PSEN1: variants seen among roughly 807,000 people sequenced by gnomAD.
The protein encoded by PSEN1 is presenilin-1.
PSEN1 carries 15 observed loss-of-function variants against 53.5 expected under a neutral mutation model. The observed-to-expected ratio is 0.28, with a 90% confidence interval of 0.19 to 0.43. The LOEUF is 0.43. Among genes scored for constraint, PSEN1 ranks in the 20% least tolerant of loss-of-function variants. The pLI, the probability that PSEN1 is intolerant of heterozygous loss-of-function variation, is 1.00. For synonymous variants in PSEN1, 208 were observed against 209.8 expected (o/e 0.99, Z 0.08); for missense variants, 387 against 571.2 (o/e 0.68, Z 3.29).
intron 5 of PSEN1, among the ~76,000 whole-genome samples, chr14:73,182,022 T>G (rs1898231499): frequency 6.6e-6 from 1 of 152,100 alleles, no homozygotes; most frequent in African/African-American, 2.4e-5. Flanking sequence ...AATCCACCTG[T>G]CTCAGCCTCC....
chr14:73,148,411 C>T (rs1017034418), intron 3 of PSEN1, among the ~76,000 whole-genome samples: 7 of 152,162 alleles, frequency 4.6e-5, no homozygotes, highest in South Asian at 2.1e-4. Context: ...TATTCTTCTA[C>T]GGCTGAGTCC....
intron 9 of PSEN1, among the ~76,000 whole-genome samples, chr14:73,207,115 C>T (rs192126749): frequency 1.3e-4 from 19 of 151,656 alleles, no homozygotes; most frequent in East Asian, 9.7e-4. Flanking sequence ...TAAGGAGTTC[C>T]GGATTACCCT....
chr14:73,210,087 A>G (rs979264668), intron 9 of PSEN1, among the ~76,000 whole-genome samples: 2 of 152,232 alleles, frequency 1.3e-5, no homozygotes, highest in East Asian at 3.8e-4. Context: ...TTACATTGGA[A>G]CAAAAGGGCA....
chr14:73,145,832 C>G (rs576988530), intron 1 of PSEN1, among the ~76,000 whole-genome samples: 1 of 152,072 alleles, frequency 6.6e-6, no homozygotes, highest in Admixed American at 6.6e-5. Context: ...AGGGCTGGTT[C>G]GTGGTGGCTC....
intron 1 of PSEN1, 166 bp from the exon 2 acceptor site, chr14:73,147,629 T>C (rs1014256016): frequency 2.9e-5 from 8 of 272,108 alleles, no homozygotes; most frequent in Non-Finnish European, 5.7e-5. Flanking sequence ...TACTTATTGC[T>C]AAAGAGGTCT....
chr14:73,153,528 T>G (rs117490301), intron 3 of PSEN1, among the ~76,000 whole-genome samples: 2,453 of 152,286 alleles, frequency 0.016, 49 homozygotes, highest in East Asian at 0.049. Context: ...TTCCCTATGA[T>G]TAATAAATGT....
chr14:73,173,441 G>T, intron 4 of PSEN1, 125 bp from the exon 5 acceptor site: 1 of 953,950 alleles, frequency 1.0e-6, no homozygotes, highest in Non-Finnish European at 1.7e-6. Flanking sequence ...TTGGTGAGTT[G>T]GGGAAAAGTG....
At chr14:73,163,360 T>C (rs2140017399) in intron 3 of PSEN1, among the ~76,000 whole-genome samples, 1 of 152,302 alleles carries the variant, frequency 6.6e-6, no homozygotes, top group Middle Eastern at 3.4e-3. Flanking sequence ...GGAGGATTGC[T>C]TGAGCCCAGA....
intron 5 of PSEN1, among the ~76,000 whole-genome samples, chr14:73,185,174 CAG>C (rs1898451470): frequency 6.6e-6 from 1 of 152,026 alleles, no homozygotes; most frequent in Non-Finnish European, 1.5e-5. Flanking sequence ...GGCGGCCAGG[CAG>C]AGACGCTCCT....
intron 3 of PSEN1, among the ~76,000 whole-genome samples, chr14:73,169,873 T>C (rs557927352): frequency 6.6e-6 from 1 of 152,312 alleles, no homozygotes; most frequent in South Asian, 2.1e-4. Flanking sequence ...CTCAAACTCC[T>C]GACCTCAAGT....
intron 1 of PSEN1, among the ~76,000 whole-genome samples, chr14:73,145,446 C>T (rs1478148504): frequency 3.3e-5 from 5 of 151,962 alleles, no homozygotes; most frequent in African/African-American, 1.2e-4. Context: ...GTGATCCTTC[C>T]ACCTCAGCCT....
chr14:73,140,813 T>C (rs1443244795), intron 1 of PSEN1, among the ~76,000 whole-genome samples: 1 of 152,146 alleles, frequency 6.6e-6, no homozygotes, highest in Non-Finnish European at 1.5e-5. Context: ...AACATAACCA[T>C]TATTTAAAAA....
chr14:73,182,075 G>A (rs1290492010), intron 5 of PSEN1, among the ~76,000 whole-genome samples: 1 of 152,148 alleles, frequency 6.6e-6, no homozygotes, highest in Non-Finnish European at 1.5e-5. Context: ...TGCCTGGCCT[G>A]AAAGGGAAAT....
chr14:73,197,880 G>T (rs2140104613), intron 7 of PSEN1, 151 bp from the exon 8 acceptor site: 234 of 592,338 alleles, frequency 4.0e-4, no homozygotes, highest in Non-Finnish European at 5.3e-4. Context: ...CAGTTCACCT[G>T]CCATTTATTT....
chr14:73,219,102 G>A (rs1247726381), intron 11 of PSEN1, 32 bp from the exon 12 acceptor site: 7 of 1,609,730 alleles, frequency 4.3e-6, no homozygotes, highest in African/African-American at 1.3e-5. Flanking sequence ...ATAATTATGT[G>A]TGAATGTGTG....
At chr14:73,154,444 A>AG (rs199511478) in intron 3 of PSEN1, among the ~76,000 whole-genome samples, 1 of 150,756 alleles carries the variant, frequency 6.6e-6, no homozygotes, top group African/African-American at 2.4e-5. Context: ...CAAAAAAAAA[A>AG]GTGAAAATTA....
intron 10 of PSEN1, among the ~76,000 whole-genome samples, chr14:73,213,024 T>C (rs1899765025): frequency 6.6e-6 from 1 of 152,238 alleles, no homozygotes; most frequent in Non-Finnish European, 1.5e-5. Context: ...AGAACACTTT[T>C]TACACCTTGT....
chr14:73,176,529 C>CA (rs1898052468), intron 5 of PSEN1, among the ~76,000 whole-genome samples: 1 of 152,162 alleles, frequency 6.6e-6, no homozygotes, highest in Non-Finnish European at 1.5e-5. Flanking sequence ...GCTCTGGACT[C>CA]AGAGTTCTTT....
rs574106702 is a variant in PSEN1 at position 73,165,189 on chromosome 14, C to T, written c.88-5608C>T. 1.2e-3 allele frequency among the ~76,000 whole-genome samples: 182 copies of T among 152,148 alleles called. 1 individual carries two copies. The highest frequency in any genetic ancestry group is 4.3e-3 in the African/African-American group (177 of 41,542). ...CAGGCTGGTCTTGAACTCCTGACCT[C>T]GGGTGATCCGCCCGCCTCAGCCTCC... On this transcript the variant is annotated intron_variant, in intron 3 of 11. Coordinates refer to ENST00000324501, the MANE Select transcript of PSEN1 (RefSeq NM_000021.4).
Sources: allele counts gnomAD v4.1 joint callset (sites outside exome capture counted in the v4.1 genomes callset), GRCh38; gene constraint gnomAD v4.1.1; transcripts MANE v1.5; gene names NCBI Gene and HGNC (gene_info 2026-07-23, HGNC 2026-07-21).